The following GRB10 variants were observed in gnomAD, a reference collection of about 807,000 sequenced individuals.
The protein encoded by GRB10 is growth factor receptor bound protein 10.
A neutral mutation model predicts 80.9 loss-of-function variants in GRB10; 20 were observed. The observed-to-expected ratio is 0.25, with a 90% CI of 0.17 to 0.36. The LOEUF (loss-of-function observed/expected upper bound fraction) is 0.36, where lower values mean the gene tolerates loss of function less well. Ranked by LOEUF, GRB10 falls within the 10% of genes least tolerant of loss-of-function variation. GRB10 has a pLI of 1.00. For synonymous variants in GRB10, 291 were observed against 291.5 expected, an observed-to-expected ratio of 1.00 and a Z score of 0.02; for missense variants, 548 against 747.7, an observed-to-expected ratio of 0.73 and a Z score of 3.12.
chr7:50,732,699 A>G (rs1244173383), intron 3 of GRB10, among the ~76,000 whole-genome samples: 2 of 152,162 alleles, frequency 1.3e-5, no homozygotes, highest in South Asian at 4.1e-4. Flanking sequence ...TATACCATCT[A>G]TTAACACCCT....
chr7:50,630,768 T>C (rs966723704), intron 7 of GRB10, among the ~76,000 whole-genome samples: 8 of 152,186 alleles, frequency 5.3e-5, no homozygotes, highest in Non-Finnish European at 1.0e-4. Context: ...AGCATGAAAC[T>C]CTGTCTTTTT....
intron 4 of GRB10, among the ~76,000 whole-genome samples, chr7:50,718,135 G>A (rs553648335): frequency 3.0e-4 from 46 of 152,188 alleles, no homozygotes; most frequent in Non-Finnish European, 3.2e-4. Flanking sequence ...GGAGGCTTGC[G>A]GAACTGTGTC....
intron 7 of GRB10, among the ~76,000 whole-genome samples, chr7:50,635,561 C>CAAA (rs1554504119): frequency 4.0e-5 from 6 of 151,018 alleles, no homozygotes; most frequent in African/African-American, 1.5e-4. Context: ...AAAAACAAAA[C>CAAA]AAAACAAAAA....
At chr7:50,662,189 G>A (rs1269335188) in intron 7 of GRB10, among the ~76,000 whole-genome samples, 1 of 152,180 alleles carries the variant, frequency 6.6e-6, no homozygotes, top group Non-Finnish European at 1.5e-5. Flanking sequence ...GCAGTCCCAG[G>A]CTGGTGCATG....
chr7:50,753,479 G>C (rs1239536751), intron 3 of GRB10, among the ~76,000 whole-genome samples: 1 of 152,190 alleles, frequency 6.6e-6, no homozygotes, highest in Non-Finnish European at 1.5e-5. Flanking sequence ...AGAGTCCCAA[G>C]TCAAGGAAAG....
intron 17 of GRB10, among the ~76,000 whole-genome samples, chr7:50,600,442 A>C (rs1464397593): frequency 6.6e-6 from 1 of 152,158 alleles, no homozygotes; most frequent in Non-Finnish European, 1.5e-5. Context: ...TCAGACCCAT[A>C]CTCTACCCAG....
chr7:50,667,651 C>CA (rs1288510853), intron 7 of GRB10, among the ~76,000 whole-genome samples: 1 of 150,300 alleles, frequency 6.7e-6, no homozygotes, highest in Non-Finnish European at 1.5e-5. Flanking sequence ...AATATCCCTT[C>CA]AAGCAAGTCG....
chr7:50,753,769 G>C (rs1383731132), intron 3 of GRB10, among the ~76,000 whole-genome samples: 2 of 152,208 alleles, frequency 1.3e-5, no homozygotes, highest in Non-Finnish European at 2.9e-5. Flanking sequence ...TCAATGCCAT[G>C]TCCATGCCAA....
At position 50,674,353 on chromosome 7, in the gene GRB10, C is replaced by T. The variant is rs1586722260; in HGVS notation, c.362+83G>A. The T allele has an allele frequency of 4.5e-6, 6 of 1,340,666 alleles. No homozygotes were observed. The Admixed American group carries it at 9.0e-5, about 20-fold the overall frequency. 83.0% of individuals were successfully genotyped at this position (1,340,666 alleles called of 1,614,324 possible). A position where few individuals can be genotyped will look rare whatever the true frequency, so the allele number is the denominator to read the frequency against. The stretch of plus-strand genomic sequence containing the variant: ...GCAAGACCAACACTATTCCCCCCAA[C>T]ACCATTTAACTCACAGAGAGCAGTG... On this transcript the variant is annotated intron_variant, in intron 6 of 18. Coordinates refer to ENST00000401949, the MANE Select transcript of GRB10 (RefSeq NM_001350814.2).
At chr7:50,646,197 C>T (rs1390142950) in intron 7 of GRB10, among the ~76,000 whole-genome samples, 1 of 152,196 alleles carries the variant, frequency 6.6e-6, no homozygotes, top group Non-Finnish European at 1.5e-5. Context: ...ATCTCAGTAG[C>T]GTCTTTTCCC....
intron 3 of GRB10, among the ~76,000 whole-genome samples, chr7:50,752,028 C>T (rs1398841329): frequency 6.6e-6 from 1 of 152,138 alleles, no homozygotes; most frequent in Non-Finnish European, 1.5e-5. Context: ...ATCAAGGATG[C>T]CAAGGGGCAT....
At chr7:50,612,702 G>C in intron 13 of GRB10, 39 bp downstream of exon 13, 12 of 1,393,916 alleles carry the variant, frequency 8.6e-6, no homozygotes, top group Non-Finnish European at 1.2e-5. Flanking sequence ...TTTCCACGAA[G>C]AGATGTGCAC....
At chr7:50,631,418 C>A (rs1323607172) in intron 7 of GRB10, among the ~76,000 whole-genome samples, 1 of 152,198 alleles carries the variant, frequency 6.6e-6, no homozygotes, top group African/African-American at 2.4e-5. Context: ...CACACAGAAA[C>A]CGAGACATCT....
chr7:50,633,880 C>A (rs1409972930), intron 7 of GRB10, among the ~76,000 whole-genome samples: 1 of 151,994 alleles, frequency 6.6e-6, no homozygotes, highest in East Asian at 1.9e-4. Flanking sequence ...AAGAATAAAG[C>A]CTTTGAGAAA....
rs1409396462 is a variant in GRB10 at position 50,591,093 on chromosome 7, T to C, written c.*1859A>G. The C allele has an allele frequency of 6.6e-6, 1 of 152,148 alleles. No individual in the cohort carries two copies. The highest frequency in any genetic ancestry group is 1.5e-5 in the Non-Finnish European group (1 of 67,998). 9.4% of individuals were successfully genotyped at this position (152,148 alleles called of 1,614,324 possible). A position where few individuals can be genotyped will look rare whatever the true frequency, so the allele number is the denominator to read the frequency against. On this transcript the variant is annotated 3_prime_UTR_variant, in exon 19 of 19. Coordinates refer to ENST00000401949, the MANE Select transcript of GRB10 (RefSeq NM_001350814.2). ...CAATGTCCGTCCCTACAGTGAAGCC[T>C]GCCACCAGGTGTGAACGTGAGAATT...
intron 4 of GRB10, among the ~76,000 whole-genome samples, chr7:50,721,017 C>T (rs2067635676): frequency 6.6e-6 from 1 of 152,054 alleles, no homozygotes; most frequent in Non-Finnish European, 1.5e-5. Context: ...AAGAAACGCC[C>T]TGCTTCATTG....
rs373309909 is a variant in GRB10, at chr7:50,593,625, T to C, written c.1639-527A>G. 5.9e-5 allele frequency among the ~76,000 whole-genome samples: 9 copies of C among 152,296 alleles called. No homozygotes were observed. The South Asian group carries it at 1.0e-3, about 18-fold the overall frequency. On this transcript the variant is annotated intron_variant, in intron 18 of 18. Coordinates refer to ENST00000401949, the MANE Select transcript of GRB10 (RefSeq NM_001350814.2). ...TCCTAGGTCCCTGAATATGGGGCAG[T>C]TATTTTTATTAAAGCAGGGGAATGC...
In GRB10 at chr7:50,674,609, C is replaced by G. The variant is rs1405018412; in HGVS notation, c.189G>C (p.Leu63=). The change falls in exon 6 of 19, where the codon CTG becomes CTC. Residue 63 remains leucine (L), a synonymous_variant. Transcript: ENST00000401949. ...TGCTGCAGGCCGAGTACAGGCTCTC[C>G]AGGGATGCATTCATATCGTTCACCA... ...EALVNDMNAS[L]ESLYSACSMQ... is the part of the protein sequence containing the mutation. 1 of 1,613,818 alleles carries G rather than the reference C, an allele frequency of 6.2e-7. No homozygotes were observed. Among genetic ancestry groups the G allele is most frequent in the Admixed American group, 1.7e-5 (1 of 60,036 alleles).
intron 7 of GRB10, among the ~76,000 whole-genome samples, chr7:50,659,296 G>C (rs1382012121): frequency 6.6e-6 from 1 of 152,128 alleles, no homozygotes; most frequent in Non-Finnish European, 1.5e-5. Context: ...CAGGTAACTG[G>C]CATTCTAGAA....
Sources: allele counts gnomAD v4.1 joint callset (sites outside exome capture counted in the v4.1 genomes callset), GRCh38; gene constraint gnomAD v4.1.1; transcripts MANE v1.5; gene names NCBI Gene and HGNC (gene_info 2026-07-23, HGNC 2026-07-21).